The following MRPS18A variants were observed in gnomAD, a reference collection of about 807,000 sequenced individuals.
The protein encoded by MRPS18A is large ribosomal subunit protein mL66.
MRPS18A carries 20 observed loss-of-function variants against 22.7 expected under a neutral mutation model. The ratio of observed to expected loss-of-function variants is 0.88; its 90% confidence interval spans 0.62 to 1.28. The LOEUF (loss-of-function observed/expected upper bound fraction) is 1.28, where lower values mean the gene tolerates loss of function less well. Ranked by LOEUF, MRPS18A falls within the 50% of genes most tolerant of loss-of-function variation. The probability of loss-of-function intolerance (pLI) is 0.00; values close to 1 mark genes in which losing one functional copy is unlikely to be tolerated. For missense variants in MRPS18A, 294 were observed against 262.6 expected, an observed-to-expected ratio of 1.12 and a Z score of -0.83; for synonymous variants, 106 against 99.1, an observed-to-expected ratio of 1.07 and a Z score of -0.41.
At chr6:43,677,769 T>C (rs987396342) in intron 3 of MRPS18A, among the ~76,000 whole-genome samples, 3 of 152,178 alleles carry the variant, frequency 2.0e-5, no homozygotes, top group Admixed American at 6.5e-5. Context: ...ACCTACTTCA[T>C]AGGGTTACTG....
chr6:43,680,121 A>G (rs1375460248), intron 2 of MRPS18A, among the ~76,000 whole-genome samples: 1 of 152,210 alleles, frequency 6.6e-6, no homozygotes, highest in Non-Finnish European at 1.5e-5. Flanking sequence ...CATGCCCCAC[A>G]TGAAAAACAC....
intron 1 of MRPS18A, among the ~76,000 whole-genome samples, chr6:43,681,583 G>T (rs1006245423): frequency 1.3e-5 from 2 of 152,204 alleles, no homozygotes; most frequent in African/African-American, 4.8e-5. Context: ...GTAAGATATA[G>T]CACTGAACTA....
rs951760226 is a variant in MRPS18A at position 43,675,671 on chromosome 6, C to T, written c.253-54G>A. 18 of 1,552,400 alleles carry T rather than the reference C, an allele frequency of 1.2e-5. No individual in the cohort carries two copies. The African/African-American group carries it at 1.4e-4, about 12-fold the overall frequency. On this transcript the variant is annotated intron_variant, in intron 3 of 5. Coordinates refer to ENST00000372133, the MANE Select transcript of MRPS18A (RefSeq NM_018135.4). ...GGTCAGCTGGGCTTGCTTTTGATGC[C>T]GGGAAGCTAGGGCTTCATGGTCTAC...
In MRPS18A at chr6:43,686,721, C is replaced by T. The variant is rs147723307; in HGVS notation, c.112+947G>A. On this transcript the variant is annotated intron_variant, in intron 1 of 5. Coordinates refer to ENST00000372133, the MANE Select transcript of MRPS18A (RefSeq NM_018135.4). ...AAAGGATATGCTGCCCAATACTATG[C>T]CAGATCCTCAAAAAACCCCACATCT... Among the ~76,000 whole-genome samples the T allele has an allele frequency of 1.8e-4, 27 of 152,320 alleles. 1 individual carries two copies. In the East Asian group the frequency reaches 4.8e-3, roughly 27 times the overall value.
chr6:43,675,267 T>C lies in MRPS18A; in HGVS notation c.381A>G (p.Leu127=), dbSNP rs202096992. The change falls in exon 5 of 6, where the codon CTA becomes CTG. Residue 127 remains leucine, a synonymous_variant. Transcript: ENST00000372133. The part of the protein sequence containing the change: ...ECVKMAHRAG[L]LPNHRPRLPE... ...GAAGCCGAGGCCTGTGATTTGGTAA[T>C]AGACCTGAGTGGCGGGGAAGAGGGG... 23 of 1,531,850 alleles carry C rather than the reference T, an allele frequency of 1.5e-5. No homozygotes were observed. Among genetic ancestry groups the C allele is most frequent in the Middle Eastern group, 1.8e-4 (1 of 5,644 alleles). 94.9% of individuals were successfully genotyped at this position (1,531,850 alleles called of 1,614,324 possible). A position where few individuals can be genotyped will look rare whatever the true frequency, so the allele number is the denominator to read the frequency against.
At chr6:43,686,073 G>A (rs1349099951) in intron 1 of MRPS18A, among the ~76,000 whole-genome samples, 1 of 152,048 alleles carries the variant, frequency 6.6e-6, no homozygotes, top group Non-Finnish European at 1.5e-5. Context: ...CAAAGTGCTG[G>A]GATTAAAGAT....
intron 1 of MRPS18A, among the ~76,000 whole-genome samples, chr6:43,681,994 C>G (rs951759254): frequency 6.6e-6 from 1 of 152,218 alleles, no homozygotes; most frequent in African/African-American, 2.4e-5. Flanking sequence ...CGTGTTGACA[C>G]AGTTTCTTTA....
rs56785248 is a variant in MRPS18A at position 43,679,494 on chromosome 6, G to A, written c.145-869C>T. ...TTTAAACCCTGCTGAGGCCAAGTGC[G>A]AAATGACCTCCCTATCGCTGCCGTA... is the stretch of plus-strand genomic sequence containing the variant. On this transcript the variant is annotated intron_variant, in intron 2 of 5. Transcript: ENST00000372133. Among the ~76,000 whole-genome samples, 187 of 152,298 alleles carry A rather than the reference G, an allele frequency of 1.2e-3. 1 individual carries two copies. The East Asian group carries it at 0.019, about 16-fold the overall frequency.
intron 1 of MRPS18A, among the ~76,000 whole-genome samples, chr6:43,683,185 T>C (rs1221139935): frequency 6.6e-6 from 1 of 152,128 alleles, no homozygotes; most frequent in Non-Finnish European, 1.5e-5. Context: ...GCTCCACTGT[T>C]CACAAACTCC....
intron 3 of MRPS18A, among the ~76,000 whole-genome samples, chr6:43,678,152 G>A (rs1464614466): frequency 2.0e-5 from 3 of 152,004 alleles, no homozygotes; most frequent in Non-Finnish European, 4.4e-5. Context: ...TTAGAACCAC[G>A]GGAGAGCATT....
At chr6:43,680,482 T>C (rs77740035) in intron 2 of MRPS18A, among the ~76,000 whole-genome samples, 1 of 152,192 alleles carries the variant, frequency 6.6e-6, no homozygotes, top group Non-Finnish European at 1.5e-5. Flanking sequence ...GAAAACAGCG[T>C]TGTTGTCTTT....
rs553789972 is a variant in MRPS18A, at chr6:43,673,723, C to T, written c.446+1479G>A. Reference sequence around the variant, plus strand: ...CACAGCAGCAGACAAAGCATGGCTCCGCCAGGCCCCAGCGGAGCCTGGGCC... The same window carrying T: ...CACAGCAGCAGACAAAGCATGGCTCTGCCAGGCCCCAGCGGAGCCTGGGCC... On this transcript the variant is annotated intron_variant, in intron 5 of 5. Transcript: ENST00000372133. The surrounding 1 kb of genome is among the most constrained non-coding windows in gnomAD (Gnocchi z 4.2). Among the ~76,000 whole-genome samples the T allele has an allele frequency of 2.7e-3, 412 of 152,334 alleles. 2 individuals are homozygous for T. The highest frequency in any genetic ancestry group is 4.2e-3 in the Non-Finnish European group (287 of 68,020).
chr6:43,671,796 C>T lies in MRPS18A; in HGVS notation c.557G>A (p.Cys186Tyr), dbSNP rs1582404710. 1 of 1,614,208 alleles carries T rather than the reference C, an allele frequency of 6.2e-7. No individual in the cohort carries two copies. The highest frequency in any genetic ancestry group is 1.1e-5 in the South Asian group (1 of 91,088). ...VGSPLLRDNVCYSRTPWKLYH is the reference protein window; with the variant it reads ...VGSPLLRDNVYYSRTPWKLYH ...CAGCTTCCAAGGTGTTCTTGAGTAGCAGACATTGTCCCTCAGAAGGGGTGA... is the reference window on the plus strand; with the variant it reads ...CAGCTTCCAAGGTGTTCTTGAGTAGTAGACATTGTCCCTCAGAAGGGGTGA... The change falls in exon 6 of 6, where the codon TGC becomes TAC. Residue 186 changes from cysteine (C) to tyrosine (Y), a missense_variant. By Grantham distance (194) the Cys-to-Tyr change is radical. Coordinates refer to ENST00000372133, the MANE Select transcript of MRPS18A (RefSeq NM_018135.4).
At chr6:43,685,218 C>T (rs1253800408) in intron 1 of MRPS18A, among the ~76,000 whole-genome samples, 1 of 152,154 alleles carries the variant, frequency 6.6e-6, no homozygotes, top group East Asian at 1.9e-4. Context: ...TTTGAGAAGA[C>T]TGAATAAATG....
rs140706518 is a variant in MRPS18A, at chr6:43,675,210, T to C, written c.438A>G (p.Gln146=). 553 of 1,515,784 alleles carry C rather than the reference T, an allele frequency of 3.6e-4. No homozygotes were observed. Among genetic ancestry groups the C allele is most frequent in the Middle Eastern group, 3.2e-3 (17 of 5,360 alleles). 93.9% of individuals were successfully genotyped at this position (1,515,784 alleles called of 1,614,324 possible). Residue 146 remains glutamine, a synonymous_variant, in exon 5 of 6, where the codon CAA becomes CAG. Coordinates refer to ENST00000372133, the MANE Select transcript of MRPS18A (RefSeq NM_018135.4). ...CACCCAGGCTTGCTTACCGGTTGAG[T>C]TGGGGTTTGCTCTTCGGAACAACTC... ...PEGVVPKSKP[Q]LNRYLTRWAP...
At chr6:43,687,545 G>T in intron 1 of MRPS18A, 123 bp downstream of exon 1, 2 of 843,742 alleles carry the variant, frequency 2.4e-6, no homozygotes, top group Non-Finnish European at 3.8e-6. Context: ...CGCCTGGGGA[G>T]CCGGTACCTC....
chr6:43,671,885 A>G lies in MRPS18A; in HGVS notation c.468T>C (p.Pro156=). Residue 156 remains proline (P), a synonymous_variant, in exon 6 of 6, where the codon CCT becomes CCC. Coordinates refer to ENST00000372133, the MANE Select transcript of MRPS18A (RefSeq NM_018135.4). ...TTTTGTAGATGGGCTTGACGGAGCC[A>G]GGAGCCCAGCGCGTCAGGTACCTGT... is the stretch of plus-strand genomic sequence containing the variant. ...QLNRYLTRWA[P]GSVKPIYKKG... 1 of 1,612,784 alleles carries G rather than the reference A, an allele frequency of 6.2e-7. No homozygotes were observed. The highest frequency in any genetic ancestry group is 8.5e-7 in the Non-Finnish European group (1 of 1,179,306).
chr6:43,682,778 C>G (rs1484557148), intron 1 of MRPS18A, among the ~76,000 whole-genome samples: 1 of 152,202 alleles, frequency 6.6e-6, no homozygotes, highest in Non-Finnish European at 1.5e-5. Context: ...CGTCAATCTG[C>G]AGAATCAACC....
intron 1 of MRPS18A, among the ~76,000 whole-genome samples, chr6:43,685,109 T>A (rs1179497821): frequency 8.5e-5 from 13 of 152,148 alleles, no homozygotes; most frequent in Admixed American, 8.5e-4. Context: ...ACTCCATCAC[T>A]TATTAGACAG....
Sources: gnomAD v4.1 joint callset for allele counts (sites outside exome capture counted in the v4.1 genomes callset) on GRCh38, gnomAD v4.1.1 for gene constraint, Gnocchi (gnomAD v3.1) non-coding constraint, MANE v1.5 for transcripts, NCBI Gene and HGNC (gene_info 2026-07-23, HGNC 2026-07-21) for gene names.